The following PTPRZ1 variants were observed in gnomAD, a reference collection of about 807,000 sequenced individuals.
PTPRZ1 encodes the protein protein tyrosine phosphatase receptor type Z1.
In PTPRZ1, 82 loss-of-function variants were observed where a neutral mutation model predicts 214.1. That is an observed-to-expected ratio of 0.38 (90% confidence interval 0.32 to 0.46). The LOEUF (loss-of-function observed/expected upper bound fraction) is 0.46, where lower values mean the gene tolerates loss of function less well. Among genes scored for constraint, PTPRZ1 ranks in the 20% least tolerant of loss-of-function variants. The pLI is 1.00. For synonymous variants in PTPRZ1, 945 were observed against 987.9 expected (o/e 0.96, Z 0.81); for missense variants, 2,603 against 2,748.7 (o/e 0.95, Z 1.19).
At chr7:122,036,529 G>A (rs1799541969) in intron 17 of PTPRZ1, 71 bp from the exon 18 acceptor site, 13 of 999,202 alleles carry the variant, frequency 1.3e-5, no homozygotes, top group Non-Finnish European at 2.0e-5. Flanking sequence ...AAATTATTAT[G>A]CAAATATGAA....
Position 122,034,346 on chromosome 7 carries a change from A to G in PTPRZ1, c.5252A>G (p.Lys1751Arg), listed in dbSNP as rs1472356327. The G allele has an allele frequency of 6.2e-7, 1 of 1,613,488 alleles. No individual in the cohort carries two copies. Among genetic ancestry groups the G allele is most frequent in the Non-Finnish European group, 8.5e-7 (1 of 1,179,626 alleles). The change falls in exon 17 of 30, where the codon AAG (lysine) becomes AGG (arginine). Residue 1751 changes from lysine (K) to arginine (R), a missense_variant. Physicochemically the swap from Lys to Arg is conservative, Grantham distance 26. This residue lies in a region of PTPRZ1 where 1,913 missense variants were observed against 1,914.3 expected (regional missense o/e 1.00). Transcript: ENST00000393386. The stretch of plus-strand genomic sequence containing the variant: ...GACAGCTCCAACCACCCAGACAACA[A>G]GCACAAGAATCGATACATAAATATC... ...TADSSNHPDNKHKNRYINIVA... is the reference protein window; with the variant it reads ...TADSSNHPDNRHKNRYINIVA...
chr7:122,011,673 A>G lies in PTPRZ1; in HGVS notation c.2627A>G (p.Tyr876Cys). Residue 876 changes from tyrosine (Y) to cysteine (C), a missense_variant, in exon 12 of 30, where the codon TAT (tyrosine) becomes TGT (cysteine). Transcript: ENST00000393386. ...DLLLEPSLAQ[Y>C]SDVLSTTHAA... ...CTATTAGAGCCCAGCCTTGCTCAGT[A>G]TTCTGATGTGCTGTCCACTACTCAT... The G allele has an allele frequency of 6.2e-7, 1 of 1,613,978 alleles. No homozygotes were observed. Among genetic ancestry groups the G allele is most frequent in the Non-Finnish European group, 8.5e-7 (1 of 1,180,004 alleles).
chr7:121,910,424 A>G (rs931422132), intron 1 of PTPRZ1, among the ~76,000 whole-genome samples: 16 of 152,160 alleles, frequency 1.1e-4, no homozygotes, highest in Admixed American at 5.9e-4. Context: ...AATGTGAACT[A>G]CACAAGGACA....
chr7:121,929,332 ATAGT>A (rs952047626), intron 2 of PTPRZ1, among the ~76,000 whole-genome samples: 3 of 152,122 alleles, frequency 2.0e-5, no homozygotes, highest in Admixed American at 2.0e-4. Context: ...GCTGATCATG[ATAGT>A]TAATCTGCTT....
At chr7:121,938,047 A>C (rs1473667785) in intron 2 of PTPRZ1, among the ~76,000 whole-genome samples, 1 of 152,160 alleles carries the variant, frequency 6.6e-6, no homozygotes, top group African/African-American at 2.4e-5. Flanking sequence ...TTATCTACCT[A>C]TCTATTAATA....
At chr7:121,941,496 G>A (rs1342763876) in intron 2 of PTPRZ1, among the ~76,000 whole-genome samples, 3 of 152,166 alleles carry the variant, frequency 2.0e-5, no homozygotes, top group Non-Finnish European at 4.4e-5. Context: ...AAATTTGTAA[G>A]AGCAGTCATT....
intron 1 of PTPRZ1, among the ~76,000 whole-genome samples, chr7:121,893,008 A>G (rs2116224259): frequency 6.6e-6 from 1 of 152,182 alleles, no homozygotes; most frequent in Non-Finnish European, 1.5e-5. Flanking sequence ...ACAAATTTTT[A>G]ACATTTTATT....
At chr7:122,013,950 A>T in intron 12 of PTPRZ1, 61 bp downstream of exon 12, 1 of 1,358,416 alleles carries the variant, frequency 7.4e-7, no homozygotes, top group Non-Finnish European at 9.8e-7. Flanking sequence ...TAAAAGTAAA[A>T]TGAAAATTAT....
chr7:121,962,087 C>T (rs181106020), intron 2 of PTPRZ1, among the ~76,000 whole-genome samples: 1 of 152,248 alleles, frequency 6.6e-6, no homozygotes, highest in Admixed American at 6.5e-5. Context: ...ATCATCCTGG[C>T]CTTTAACCAC....
At chr7:121,894,773 A>G (rs1359886301) in intron 1 of PTPRZ1, among the ~76,000 whole-genome samples, 1 of 152,134 alleles carries the variant, frequency 6.6e-6, no homozygotes, top group African/African-American at 2.4e-5. Flanking sequence ...TCTTTGTCTT[A>G]AGGATATGTA....
intron 1 of PTPRZ1, among the ~76,000 whole-genome samples, chr7:121,883,999 GA>G (rs1794319377): frequency 1.3e-5 from 2 of 152,148 alleles, no homozygotes; most frequent in African/African-American, 4.8e-5. Flanking sequence ...TAAGATACAT[GA>G]ATTGGTAAAT....
intron 1 of PTPRZ1, chr7:121,908,775 T>C (rs1239986799): frequency 4.0e-6 from 2 of 495,750 alleles, no homozygotes; most frequent in Admixed American, 2.2e-5. Flanking sequence ...ACTTTATTAA[T>C]AGTGCTACTC....
At chr7:122,017,655 G>A (rs980649095) in intron 12 of PTPRZ1, among the ~76,000 whole-genome samples, 9 of 151,644 alleles carry the variant, frequency 5.9e-5, no homozygotes, top group African/African-American at 9.7e-5. Context: ...TCTACTTCCC[G>A]GGTTCAGGCC....
intron 2 of PTPRZ1, among the ~76,000 whole-genome samples, chr7:121,943,967 G>A (rs1294376315): frequency 6.6e-6 from 1 of 152,206 alleles, no homozygotes; most frequent in Non-Finnish European, 1.5e-5. Flanking sequence ...CTCTCTGGAT[G>A]AGGTATATTG....
chr7:121,934,445 G>C (rs1455536587), intron 2 of PTPRZ1, among the ~76,000 whole-genome samples: 1 of 134,116 alleles, frequency 7.5e-6, no homozygotes, highest in South Asian at 2.3e-4. Context: ...CCGAGATCGC[G>C]CCACTGCACT....
chr7:121,875,170 A>G (rs1467387686), intron 1 of PTPRZ1, among the ~76,000 whole-genome samples: 2 of 152,180 alleles, frequency 1.3e-5, no homozygotes, highest in African/African-American at 4.8e-5. Flanking sequence ...TAATGACCCC[A>G]AAAAGAAACC....
At chr7:122,006,673 T>G (rs928657237) in intron 11 of PTPRZ1, among the ~76,000 whole-genome samples, 17 of 151,874 alleles carry the variant, frequency 1.1e-4, no homozygotes, top group African/African-American at 4.1e-4. Flanking sequence ...TGTGAAGATA[T>G]GTGAGCAGGC....
chr7:121,932,365 C>T (rs764332229), intron 2 of PTPRZ1, among the ~76,000 whole-genome samples: 3 of 151,974 alleles, frequency 2.0e-5, no homozygotes, highest in Non-Finnish European at 2.9e-5. Context: ...AGAAAATGAA[C>T]GACTATGCTA....
At chr7:121,943,388 T>G (rs1255857630) in intron 2 of PTPRZ1, among the ~76,000 whole-genome samples, 1 of 152,108 alleles carries the variant, frequency 6.6e-6, no homozygotes, top group Non-Finnish European at 1.5e-5. Context: ...CAGGCTGGAG[T>G]GCAGTGGCGC....
Sources: allele counts gnomAD v4.1 joint callset (sites outside exome capture counted in the v4.1 genomes callset), GRCh38; gene constraint gnomAD v4.1.1; regional missense constraint gnomAD v4.1.1; transcripts MANE v1.5; gene names NCBI Gene and HGNC (gene_info 2026-07-23, HGNC 2026-07-21).